Variants in MYH11 observed in about 807,000 individuals in gnomAD.
MYH11 encodes myosin heavy chain 11.
MYH11 carries 80 observed loss-of-function variants against 246.6 expected under a neutral mutation model. The observed-to-expected ratio is 0.32, with a 90% CI of 0.27 to 0.39. MYH11 has a LOEUF of 0.39. MYH11 is among the 10% of genes least tolerant of loss of function. The probability of loss-of-function intolerance (pLI) is 1.00; values close to 1 mark genes in which losing one functional copy is unlikely to be tolerated. For missense variants in MYH11, 2,158 were observed against 2,546.8 expected (o/e 0.85, Z 3.29); for synonymous variants, 1,071 against 1,015.5 (o/e 1.05, Z -1.04).
chr16:15,718,804 A>C (rs763995815), intron 36 of MYH11: 74 of 417,822 alleles, frequency 1.8e-4, no homozygotes, highest in Non-Finnish European at 3.0e-4. Context: ...CCCCAATCTC[A>C]GAGGACGCTT....
In MYH11 at chr16:15,703,161, A is replaced by T. The variant is rs1455085497; in HGVS notation, c.*830T>A. 2.6e-5 allele frequency: 5 copies of T among 191,366 alleles called. No individual in the cohort carries two copies. The East Asian group carries it at 4.1e-4, about 16-fold the overall frequency. 11.9% of individuals were successfully genotyped at this position (191,366 alleles called of 1,614,324 possible). ...TGTGATTTATAACCATTTATTAGTG[A>T]AAGTGTTTTTAAGCACAGTCAGGGT... On this transcript the variant is annotated 3_prime_UTR_variant, in exon 41 of 41. Transcript: ENST00000300036.
intron 1 of MYH11, among the ~76,000 whole-genome samples, chr16:15,853,134 G>A (rs547881499): frequency 6.6e-6 from 1 of 152,204 alleles, no homozygotes; most frequent in Non-Finnish European, 1.5e-5. Context: ...GCCTGGTACA[G>A]TAAAGTTCTA....
At chr16:15,740,526 G>A (rs550851657) in intron 22 of MYH11, among the ~76,000 whole-genome samples, 78 of 151,656 alleles carry the variant, frequency 5.1e-4, no homozygotes, top group African/African-American at 1.9e-3. Context: ...CAGGAGAATC[G>A]CTTGAACCCG....
At chr16:15,795,492 T>C (rs935033773) in intron 4 of MYH11, among the ~76,000 whole-genome samples, 7 of 150,080 alleles carry the variant, frequency 4.7e-5, no homozygotes, top group African/African-American at 1.7e-4. Flanking sequence ...ATGCCTGTTA[T>C]CCCAGCTACT....
Position 15,826,838 on chromosome 16 carries a change from A to G in MYH11, c.346-3427T>C, listed in dbSNP as rs1343319387. ...GAGACCCTGTTTCTACCAAAAATAC[A>G]AAAAATTAGCAGGGCATGGTGGCAC... On this transcript the variant is annotated intron_variant, in intron 2 of 40. Transcript: ENST00000300036. Among the ~76,000 whole-genome samples, 4 of 149,932 alleles carry G rather than the reference A, an allele frequency of 2.7e-5. No homozygotes were observed. The East Asian group carries it at 8.0e-4, about 30-fold the overall frequency.
At chr16:15,795,414 C>A (rs1395454084) in intron 4 of MYH11, among the ~76,000 whole-genome samples, 2 of 152,132 alleles carry the variant, frequency 1.3e-5, no homozygotes, top group Admixed American at 1.3e-4. Context: ...GAGTTCGAGA[C>A]CAGCCTGACC....
chr16:15,748,289 C>A, intron 16 of MYH11, 121 bp from the exon 17 acceptor site: 1 of 1,520,952 alleles, frequency 6.6e-7, no homozygotes, highest in South Asian at 1.2e-5. Flanking sequence ...CAGAAGCACC[C>A]AAGGAGGGCT....
intron 3 of MYH11, among the ~76,000 whole-genome samples, chr16:15,800,639 GGA>G (rs1301405908): frequency 2.0e-5 from 3 of 151,292 alleles, no homozygotes; most frequent in African/African-American, 4.9e-5. Context: ...ATGGATGGAT[GGA>G]TGGGAATATG....
intron 20 of MYH11, among the ~76,000 whole-genome samples, chr16:15,744,919 A>G (rs1459333259): frequency 6.6e-6 from 1 of 152,230 alleles, no homozygotes; most frequent in Non-Finnish European, 1.5e-5. Flanking sequence ...GGATGGAAAT[A>G]TTAATACTTT....
chr16:15,822,366 C>T (rs937319805), intron 3 of MYH11, among the ~76,000 whole-genome samples: 5 of 152,020 alleles, frequency 3.3e-5, no homozygotes, highest in African/African-American at 1.2e-4. Context: ...ATTTCAGGGG[C>T]TCCAAAGTGT....
chr16:15,715,637 G>A (rs1366447532), intron 38 of MYH11, among the ~76,000 whole-genome samples: 2 of 151,832 alleles, frequency 1.3e-5, no homozygotes, highest in African/African-American at 4.8e-5. Flanking sequence ...TTTTTTTTGC[G>A]GGGAGGAGGC....
chr16:15,718,507 G>C, intron 36 of MYH11, 69 bp from the exon 37 acceptor site: 1 of 1,529,784 alleles, frequency 6.5e-7, no homozygotes, highest in South Asian at 1.2e-5. Flanking sequence ...CCTCCTTGGA[G>C]TCATGCCTCA....
chr16:15,753,367 C>T, intron 15 of MYH11, 27 bp downstream of exon 15: 1 of 1,596,964 alleles, frequency 6.3e-7, no homozygotes, highest in Non-Finnish European at 8.6e-7. Flanking sequence ...CAAAGCAGAA[C>T]ATGGACCCGA....
chr16:15,856,279 A>G (rs544300642), intron 1 of MYH11, among the ~76,000 whole-genome samples: 11 of 150,012 alleles, frequency 7.3e-5, no homozygotes, highest in African/African-American at 2.7e-4. Flanking sequence ...CTAGATCACA[A>G]CCAGCCTTAT....
chr16:15,793,580 A>T (rs1054997842), intron 4 of MYH11, among the ~76,000 whole-genome samples: 1 of 148,762 alleles, frequency 6.7e-6, no homozygotes, highest in African/African-American at 2.5e-5. Context: ...GGCATAAGCC[A>T]CCACACCCAG....
intron 40 of MYH11, among the ~76,000 whole-genome samples, chr16:15,705,216 A>C (rs976449649): frequency 2.6e-5 from 4 of 152,210 alleles, no homozygotes; most frequent in African/African-American, 9.7e-5. Flanking sequence ...TCCTGGCCTC[A>C]AACGATCCAC....
rs1163884691 is a variant in MYH11 at position 15,735,189 on chromosome 16, AAAAG to A, written c.3506+173_3506+176del. Among the ~76,000 whole-genome samples the A allele has an allele frequency of 3.4e-3, 512 of 152,038 alleles. 3 individuals are homozygous for A. Among genetic ancestry groups the A allele is most frequent in the Middle Eastern group, 0.017 (5 of 294 alleles). On this transcript the variant is annotated intron_variant, in intron 26 of 40. Coordinates refer to ENST00000300036, the MANE Select transcript of MYH11 (RefSeq NM_002474.3). ...GCCAGACTGCCTCAAAAAAAAAAAA[AAAAG>A]AAAGAAAAAAAAGAAACAGCCAACC...
At chr16:15,761,826 C>T (rs542431426) in intron 10 of MYH11, among the ~76,000 whole-genome samples, 1 of 152,268 alleles carries the variant, frequency 6.6e-6, no homozygotes, top group African/African-American at 2.4e-5. Flanking sequence ...ATAACAAACA[C>T]CTGAGAATGA....
intron 40 of MYH11, chr16:15,713,648 A>C (rs994240942): frequency 2.6e-5 from 4 of 152,258 alleles, no homozygotes; most frequent in Non-Finnish European, 5.9e-5. Context: ...GGTTTGCGCC[A>C]TCCCACCTGG....
Sources: allele counts gnomAD v4.1 joint callset (sites outside exome capture counted in the v4.1 genomes callset), GRCh38; gene constraint gnomAD v4.1.1; transcripts MANE v1.5; gene names NCBI Gene and HGNC (gene_info 2026-07-23, HGNC 2026-07-21).